Variants in TAOK1 observed in about 807,000 individuals in gnomAD.
The protein encoded by TAOK1 is serine/threonine-protein kinase TAO1.
A neutral mutation model predicts 138.3 loss-of-function variants in TAOK1; 21 were observed. The observed-to-expected ratio is 0.15, with a 90% confidence interval of 0.11 to 0.22. The LOEUF (loss-of-function observed/expected upper bound fraction) is 0.22. Ranked by LOEUF, TAOK1 falls within the 10% of genes least tolerant of loss-of-function variation. The pLI, the probability that TAOK1 is intolerant of heterozygous loss-of-function variation, is 1.00. For missense variants in TAOK1, 651 were observed against 1,227.7 expected (o/e 0.53, Z 7.02); for synonymous variants, 361 against 398.4 (o/e 0.91, Z 1.12).
chr17:29,396,290 C>T (rs2153019601), intron 1 of TAOK1, among the ~76,000 whole-genome samples: 1 of 152,196 alleles, frequency 6.6e-6, no homozygotes, highest in Non-Finnish European at 1.5e-5. Flanking sequence ...CAGTCTAAGG[C>T]TATACCTTTT....
chr17:29,488,330 G>T (rs948706930), intron 8 of TAOK1, among the ~76,000 whole-genome samples: 2 of 152,084 alleles, frequency 1.3e-5, no homozygotes, highest in African/African-American at 4.8e-5. Context: ...CAGCACTTTG[G>T]GAGGCCGAGA....
chr17:29,439,556 G>C (rs1046478026), intron 1 of TAOK1, among the ~76,000 whole-genome samples: 66 of 152,096 alleles, frequency 4.3e-4, no homozygotes, highest in African/African-American at 1.6e-3. Flanking sequence ...TTCAGTCAAA[G>C]GCCATACATT....
intron 8 of TAOK1, among the ~76,000 whole-genome samples, chr17:29,488,296 C>T (rs1428245140): frequency 3.9e-5 from 6 of 152,130 alleles, no homozygotes; most frequent in African/African-American, 9.7e-5. Flanking sequence ...TTTGGCTGGG[C>T]GTAGTGGCTC....
chr17:29,479,810 A>G (rs1176331471), intron 6 of TAOK1, among the ~76,000 whole-genome samples: 2 of 152,126 alleles, frequency 1.3e-5, no homozygotes, highest in African/African-American at 2.4e-5. Context: ...CTATTTCAGA[A>G]AAGTAAATTT....
At position 29,534,242 on chromosome 17, in the gene TAOK1, G is replaced by A. The variant is rs142175931; in HGVS notation, c.2486G>A (p.Arg829Gln). 1.8e-5 allele frequency: 29 copies of A among 1,613,208 alleles called. No homozygotes were observed. The highest frequency in any genetic ancestry group is 2.7e-5 in the African/African-American group (2 of 75,014). Residue 829 changes from arginine to glutamine, a missense_variant, in exon 19 of 20, where the codon CGA becomes CAA. This residue lies in a region of TAOK1 where 258 missense variants were observed against 548.9 expected (regional missense o/e 0.47). Coordinates refer to ENST00000261716, the MANE Select transcript of TAOK1 (RefSeq NM_020791.4). ...ATGCAAGCTGAGGCACAACATGATCGAGAGCTTCGCGAGCTTGAACAGAGG... is the reference window on the plus strand; with the variant it reads ...ATGCAAGCTGAGGCACAACATGATCAAGAGCTTCGCGAGCTTGAACAGAGG... ...IKMQAEAQHDRELRELEQRVS... is the reference protein window; with the variant it reads ...IKMQAEAQHDQELRELEQRVS...
At chr17:29,429,575 C>T (rs1905761572) in intron 1 of TAOK1, among the ~76,000 whole-genome samples, 1 of 152,136 alleles carries the variant, frequency 6.6e-6, no homozygotes, top group South Asian at 2.1e-4. Context: ...CATGCCCGGC[C>T]TTTCCTCTAA....
chr17:29,530,577 G>A lies in TAOK1; in HGVS notation c.2319G>A (p.Glu773=). 6.2e-7 allele frequency: 1 copy of A among 1,614,166 alleles called. No individual in the cohort carries two copies. The highest frequency in any genetic ancestry group is 8.5e-7 in the Non-Finnish European group (1 of 1,180,040). Residue 773 remains glutamate, a synonymous_variant, in exon 18 of 20, where the codon GAG becomes GAA. Coordinates refer to ENST00000261716, the MANE Select transcript of TAOK1 (RefSeq NM_020791.4). The part of the protein sequence containing the change: ...EQTRKLAILA[E]QYDHSINEML... ...CCCGGAAATTAGCTATCTTGGCTGAGCAGTATGATCACAGCATTAATGAAA... is the reference window on the plus strand; with the variant it reads ...CCCGGAAATTAGCTATCTTGGCTGAACAGTATGATCACAGCATTAATGAAA...
intron 1 of TAOK1, among the ~76,000 whole-genome samples, chr17:29,439,436 C>T (rs528194624): frequency 6.6e-6 from 1 of 152,130 alleles, no homozygotes; most frequent in East Asian, 1.9e-4. Context: ...AACTCCTGAC[C>T]TTGTGATCTG....
chr17:29,526,786 C>G (rs1250500665), intron 17 of TAOK1, among the ~76,000 whole-genome samples: 3 of 135,924 alleles, frequency 2.2e-5, no homozygotes, highest in Admixed American at 8.4e-5. Context: ...GAAAAAATTA[C>G]CAGCCTGGGC....
rs569888374 is a variant in TAOK1 at position 29,452,222 on chromosome 17, A to C, written c.132+542A>C. Among the ~76,000 whole-genome samples, 3 of 148,728 alleles carry C rather than the reference A, an allele frequency of 2.0e-5. No homozygotes were observed. In the East Asian group the frequency reaches 5.9e-4, roughly 29 times the overall value. On this transcript the variant is annotated intron_variant, in intron 2 of 19. Transcript: ENST00000261716. ...CAGAGCAGATCCTGTCACAAAAAAT[A>C]AATAAATAAATAAATAAATAAATAA...
chr17:29,487,246 CAAAAAAAAAAAAAA>C (rs71138823), intron 8 of TAOK1, among the ~76,000 whole-genome samples: 122 of 90,262 alleles, frequency 1.4e-3, no homozygotes, highest in Admixed American at 2.7e-3. Flanking sequence ...ACTGTGTCTC[CAAAAAAAAAAAAAA>C]AAAAAAAAAA....
intron 1 of TAOK1, among the ~76,000 whole-genome samples, chr17:29,406,553 G>A (rs527491166): frequency 2.1e-4 from 32 of 152,062 alleles, no homozygotes; most frequent in Middle Eastern, 6.8e-3. Flanking sequence ...TTTGAGACTG[G>A]ATCTCACTGT....
chr17:29,432,188 G>A (rs1299041299), intron 1 of TAOK1, among the ~76,000 whole-genome samples: 1 of 152,200 alleles, frequency 6.6e-6, no homozygotes, highest in African/African-American at 2.4e-5. Context: ...GCAAGCCAGT[G>A]ATAAGCATTG....
chr17:29,453,443 GT>G (rs2030294086), intron 2 of TAOK1, among the ~76,000 whole-genome samples: 1 of 152,122 alleles, frequency 6.6e-6, no homozygotes, highest in Non-Finnish European at 1.5e-5. Flanking sequence ...TAGAGACGGG[GT>G]TTTGCCATGT....
intron 1 of TAOK1, among the ~76,000 whole-genome samples, chr17:29,417,884 T>C (rs185682059): frequency 3.8e-4 from 58 of 152,210 alleles, no homozygotes; most frequent in African/African-American, 1.3e-3. Flanking sequence ...TGATTCTCTC[T>C]CTTCTCTCTC....
chr17:29,437,751 T>TC (rs397962905), intron 1 of TAOK1, among the ~76,000 whole-genome samples: 1,936 of 149,440 alleles, frequency 0.013, 47 homozygotes, highest in African/African-American at 0.045. Context: ...TTTTTTTTTT[T>TC]GAGATGGAGT....
At chr17:29,457,926 C>T (rs1031692438) in intron 2 of TAOK1, among the ~76,000 whole-genome samples, 10 of 151,886 alleles carry the variant, frequency 6.6e-5, no homozygotes, top group Admixed American at 2.6e-4. Context: ...CTGGCTAACA[C>T]GGTGAAACTC....
intron 1 of TAOK1, among the ~76,000 whole-genome samples, chr17:29,430,461 T>G (rs1905790011): frequency 6.6e-6 from 1 of 152,186 alleles, no homozygotes; most frequent in Admixed American, 6.5e-5. Flanking sequence ...ACTTCGCATC[T>G]GCAAAAAGCA....
intron 2 of TAOK1, among the ~76,000 whole-genome samples, chr17:29,458,789 G>T (rs1457152333): frequency 6.6e-6 from 1 of 152,184 alleles, no homozygotes; most frequent in Non-Finnish European, 1.5e-5. Context: ...CTGCCTCCTG[G>T]GTTCAAGCAA....
Sources: gnomAD v4.1 joint callset for allele counts (sites outside exome capture counted in the v4.1 genomes callset) on GRCh38, gnomAD v4.1.1 for gene constraint, gnomAD v4.1.1 regional missense constraint, MANE v1.5 for transcripts, NCBI Gene and HGNC (gene_info 2026-07-23, HGNC 2026-07-21) for gene names.